RABGAP1L: variants seen among roughly 807,000 people sequenced by gnomAD.
RABGAP1L encodes the protein rab GTPase-activating protein 1-like.
In RABGAP1L, 63 loss-of-function variants were observed where a neutral mutation model predicts 137.7. The observed-to-expected ratio is 0.46, with a 90% CI of 0.37 to 0.56. RABGAP1L has a LOEUF of 0.56. Ranked by LOEUF, RABGAP1L falls within the 20% of genes least tolerant of loss-of-function variation. The pLI is 0.00. For missense variants in RABGAP1L, 1,095 were observed against 1,244.0 expected (o/e 0.88, Z 1.80); for synonymous variants, 431 against 433.7 (o/e 0.99, Z 0.08).
intron 20 of RABGAP1L, among the ~76,000 whole-genome samples, chr1:174,960,852 G>A (rs1574015010): frequency 6.6e-6 from 1 of 152,074 alleles, no homozygotes; most frequent in East Asian, 1.9e-4. Flanking sequence ...TTTTAGTGAT[G>A]CCCATTAATT....
At chr1:174,597,433 C>A (rs574098657) in intron 13 of RABGAP1L, among the ~76,000 whole-genome samples, 11 of 152,124 alleles carry the variant, frequency 7.2e-5, no homozygotes, top group South Asian at 6.2e-4. Flanking sequence ...TTTCCTGGTT[C>A]AATCTTGGTA....
rs542147179 is a variant in RABGAP1L at position 174,351,218 on chromosome 1, T to G, written c.1466-19761T>G. Among the ~76,000 whole-genome samples, 27 of 152,332 alleles carry G rather than the reference T, an allele frequency of 1.8e-4. 1 individual carries two copies. The highest frequency in any genetic ancestry group is 6.0e-4 in the African/African-American group (25 of 41,578). ...TAGTTTACTAGTTTACAAAGCACAA[T>G]TATAGTGTTATCATTTTCTGTGTTT... On this transcript the variant is annotated intron_variant, in intron 11 of 25. Coordinates refer to ENST00000681986, the MANE Select transcript of RABGAP1L (RefSeq NM_001366446.1).
chr1:174,685,724 G>A (rs984842524), intron 15 of RABGAP1L, among the ~76,000 whole-genome samples: 8 of 151,404 alleles, frequency 5.3e-5, no homozygotes, highest in African/African-American at 1.2e-4. Context: ...CCACCACACC[G>A]GGCTAATTTT....
At chr1:174,694,614 G>C (rs1679113571) in intron 15 of RABGAP1L, among the ~76,000 whole-genome samples, 1 of 151,752 alleles carries the variant, frequency 6.6e-6, no homozygotes, top group Non-Finnish European at 1.5e-5. Flanking sequence ...GGACATTTGG[G>C]TTGGTTCCAA....
intron 12 of RABGAP1L, among the ~76,000 whole-genome samples, chr1:174,376,212 GAGAA>G (rs972625933): frequency 6.0e-5 from 9 of 149,612 alleles, no homozygotes; most frequent in South Asian, 2.1e-4. Context: ...AAGAAAGAAA[GAGAA>G]GGAAGGAAGG....
intron 4 of RABGAP1L, 96 bp from the exon 5 acceptor site, chr1:174,241,387 T>C: frequency 1.2e-6 from 1 of 805,160 alleles, no homozygotes; most frequent in Non-Finnish European, 1.8e-6. Context: ...GTAAAACTAT[T>C]TGTTCTTTTT....
At chr1:174,171,368 T>G (rs1386049460) in intron 1 of RABGAP1L, among the ~76,000 whole-genome samples, 2 of 152,206 alleles carry the variant, frequency 1.3e-5, no homozygotes, top group African/African-American at 4.8e-5. Flanking sequence ...ACAAAACATA[T>G]ACAGATACAA....
At chr1:174,177,931 T>C (rs1336999797) in intron 1 of RABGAP1L, among the ~76,000 whole-genome samples, 2 of 152,246 alleles carry the variant, frequency 1.3e-5, no homozygotes, top group Non-Finnish European at 2.9e-5. Context: ...TCCAGCTTTG[T>C]TCTTTTTGCT....
chr1:174,285,379 AT>A (rs1176484791), intron 10 of RABGAP1L, among the ~76,000 whole-genome samples: 1 of 152,008 alleles, frequency 6.6e-6, no homozygotes, highest in East Asian at 1.9e-4. Flanking sequence ...TTTGTAAGGG[AT>A]TTTTTTGTTT....
intron 13 of RABGAP1L, among the ~76,000 whole-genome samples, chr1:174,633,998 C>T (rs1439864808): frequency 9.5e-6 from 1 of 105,704 alleles, no homozygotes; most frequent in Non-Finnish European, 1.9e-5. Flanking sequence ...TCCAAAACAC[C>T]AAAAGCAATG....
intron 19 of RABGAP1L, chr1:174,945,522 A>T (rs1666597902): frequency 1.3e-5 from 2 of 152,218 alleles, no homozygotes; most frequent in African/African-American, 4.8e-5. Flanking sequence ...TAATCAATAC[A>T]GTGAGAGAAG....
chr1:174,949,923 G>A (rs768833762), intron 19 of RABGAP1L, among the ~76,000 whole-genome samples: 5 of 152,144 alleles, frequency 3.3e-5, no homozygotes, highest in Non-Finnish European at 5.9e-5. Context: ...GGCAAATAAA[G>A]TACAAATCAG....
At chr1:174,437,864 T>A (rs899545701) in intron 13 of RABGAP1L, among the ~76,000 whole-genome samples, 6 of 152,148 alleles carry the variant, frequency 3.9e-5, no homozygotes, top group East Asian at 3.9e-4. Context: ...GACTAACAGC[T>A]GATCTCTCGG....
intron 13 of RABGAP1L, among the ~76,000 whole-genome samples, chr1:174,509,386 T>C (rs894342247): frequency 1.1e-4 from 17 of 152,180 alleles, no homozygotes; most frequent in African/African-American, 3.9e-4. Flanking sequence ...ATATACATAA[T>C]CACCTAACTC....
intron 13 of RABGAP1L, among the ~76,000 whole-genome samples, chr1:174,539,075 A>G (rs1665134433): frequency 6.6e-6 from 1 of 152,170 alleles, no homozygotes. Flanking sequence ...TTTATCATTC[A>G]GAATAATAAG....
intron 14 of RABGAP1L, among the ~76,000 whole-genome samples, chr1:174,644,017 T>C (rs1480847088): frequency 2.6e-5 from 4 of 152,020 alleles, no homozygotes; most frequent in Non-Finnish European, 5.9e-5. Flanking sequence ...CAAAATCATT[T>C]ATTGTATTTG....
chr1:174,436,677 A>G (rs1047635871), intron 13 of RABGAP1L, among the ~76,000 whole-genome samples: 6 of 152,134 alleles, frequency 3.9e-5, no homozygotes, highest in Admixed American at 1.3e-4. Context: ...CCGTTTGTCA[A>G]TTTTGGCTTT....
At chr1:174,763,580 G>C (rs1685415562) in intron 18 of RABGAP1L, among the ~76,000 whole-genome samples, 1 of 145,656 alleles carries the variant, frequency 6.9e-6, no homozygotes. Flanking sequence ...GAACCTGGGA[G>C]GCGGAGCTTG....
At chr1:174,201,029 G>A (rs1287419377) in intron 1 of RABGAP1L, among the ~76,000 whole-genome samples, 2 of 152,136 alleles carry the variant, frequency 1.3e-5, no homozygotes, top group Non-Finnish European at 2.9e-5. Flanking sequence ...CTTTCATTCA[G>A]AAAGAGGTGC....
Sources: allele counts gnomAD v4.1 joint callset (sites outside exome capture counted in the v4.1 genomes callset), GRCh38; gene constraint gnomAD v4.1.1; transcripts MANE v1.5; gene names NCBI Gene and HGNC (gene_info 2026-07-23, HGNC 2026-07-21).